Variants in AFF3 observed in about 807,000 individuals in gnomAD.
The protein encoded by AFF3 is AF4/FMR2 family member 3.
A neutral mutation model predicts 129.7 loss-of-function variants in AFF3; 32 were observed. The observed-to-expected ratio is 0.25, with a 90% CI of 0.19 to 0.33. The LOEUF is 0.33. Among genes scored for constraint, AFF3 ranks in the 10% least tolerant of loss-of-function variants. AFF3 has a pLI of 1.00. For synonymous variants in AFF3, 644 were observed against 635.4 expected, an observed-to-expected ratio of 1.01 and a Z score of -0.20; for missense variants, 1,373 against 1,592.0, an observed-to-expected ratio of 0.86 and a Z score of 2.34.
intron 12 of AFF3, among the ~76,000 whole-genome samples, chr2:99,651,869 T>C (rs1454069047): frequency 2.0e-5 from 3 of 152,198 alleles, no homozygotes; most frequent in Admixed American, 6.5e-5. Context: ...TTCTCTGTTA[T>C]GGAAATAAAA....
At chr2:100,091,266 C>T (rs1196444183) in intron 4 of AFF3, among the ~76,000 whole-genome samples, 2 of 152,210 alleles carry the variant, frequency 1.3e-5, no homozygotes, top group East Asian at 1.9e-4. Context: ...AGGCTCAGGA[C>T]ACTTCTTATG....
rs1443502889 is a variant in AFF3, at chr2:99,550,803, C to A, written c.*671G>T. 4.3e-6 allele frequency: 1 copy of A among 234,176 alleles called. No homozygotes were observed. The highest frequency in any genetic ancestry group is 5.6e-5 in the Admixed American group (1 of 17,790). The allele number at this position is 234,176 out of a possible 1,614,324, so 14.5% of individuals were successfully genotyped here. ...AGTGTCCATCTGTTTGCCTGGAATG[C>A]ATTTAGTTGATAATAGAGTCAGATG... On this transcript the variant is annotated 3_prime_UTR_variant, in exon 25 of 25. Transcript: ENST00000672756.
chr2:99,590,148 C>A (rs1347570370), intron 15 of AFF3, among the ~76,000 whole-genome samples: 1 of 152,244 alleles, frequency 6.6e-6, no homozygotes, highest in South Asian at 2.1e-4. Context: ...GATTTCAAGA[C>A]CCTCTTTGGA....
intron 4 of AFF3, among the ~76,000 whole-genome samples, chr2:100,052,710 A>G (rs1427209071): frequency 6.6e-6 from 1 of 152,110 alleles, no homozygotes; most frequent in Non-Finnish European, 1.5e-5. Flanking sequence ...ATACTGTTTT[A>G]AAGCCTAAAA....
At chr2:99,951,893 G>C (rs1003590755) in intron 7 of AFF3, among the ~76,000 whole-genome samples, 14 of 152,200 alleles carry the variant, frequency 9.2e-5, no homozygotes, top group African/African-American at 2.9e-4. Context: ...TGATCCGCCT[G>C]CCTTGGCCTC....
intron 4 of AFF3, among the ~76,000 whole-genome samples, chr2:100,032,386 G>A (rs1158051763): frequency 1.3e-5 from 2 of 151,380 alleles, no homozygotes; most frequent in African/African-American, 2.4e-5. Context: ...CCGAGACTGC[G>A]CCACTGCACT....
intron 4 of AFF3, among the ~76,000 whole-genome samples, chr2:100,059,860 G>C (rs1687112183): frequency 6.6e-6 from 1 of 152,172 alleles, no homozygotes; most frequent in Non-Finnish European, 1.5e-5. Context: ...TTTGAAAGAG[G>C]ACAATGAAAA....
chr2:99,814,446 A>G (rs1170270282), intron 8 of AFF3, among the ~76,000 whole-genome samples: 1 of 152,184 alleles, frequency 6.6e-6, no homozygotes, highest in African/African-American at 2.4e-5. Flanking sequence ...TGGAGCACGC[A>G]TAGGGAAGGA....
intron 7 of AFF3, among the ~76,000 whole-genome samples, chr2:99,997,480 C>T (rs918812075): frequency 1.2e-4 from 18 of 151,766 alleles, no homozygotes; most frequent in East Asian, 3.9e-4. Context: ...CTATCACCCC[C>T]CCCCCAGATT....
chr2:99,573,675 C>T (rs960476786), intron 18 of AFF3, among the ~76,000 whole-genome samples: 6 of 152,216 alleles, frequency 3.9e-5, no homozygotes, highest in African/African-American at 1.4e-4. Context: ...TCCTTCCTCC[C>T]GGCCACATTT....
At chr2:100,041,282 G>A (rs777912898) in intron 4 of AFF3, among the ~76,000 whole-genome samples, 2 of 152,214 alleles carry the variant, frequency 1.3e-5, no homozygotes, top group South Asian at 2.1e-4. Context: ...CATAAGTAAA[G>A]ATTACATATG....
At chr2:100,063,233 A>G (rs1024305898) in intron 4 of AFF3, among the ~76,000 whole-genome samples, 44 of 143,154 alleles carry the variant, frequency 3.1e-4, no homozygotes, top group Non-Finnish European at 2.1e-4. Context: ...CCTGGGCAAC[A>G]ATGAGCGAAA....
At chr2:99,979,739 T>A (rs1189311110) in intron 7 of AFF3, among the ~76,000 whole-genome samples, 3 of 152,148 alleles carry the variant, frequency 2.0e-5, no homozygotes, top group African/African-American at 7.2e-5. Context: ...CTCTTGGGCC[T>A]CCCAAAGCAC....
At chr2:99,622,350 A>T (rs2105315135) in intron 13 of AFF3, among the ~76,000 whole-genome samples, 1 of 152,316 alleles carries the variant, frequency 6.6e-6, no homozygotes, top group East Asian at 1.9e-4. Context: ...TACCACGAAC[A>T]CATTTTATTC....
intron 7 of AFF3, among the ~76,000 whole-genome samples, chr2:99,907,578 G>A (rs1694805676): frequency 6.7e-6 from 1 of 149,244 alleles, no homozygotes; most frequent in Non-Finnish European, 1.5e-5. Context: ...AGCTAACATT[G>A]CCTTTGGTCT....
chr2:99,820,457 G>T (rs1214284806), intron 8 of AFF3, among the ~76,000 whole-genome samples: 1 of 151,988 alleles, frequency 6.6e-6, no homozygotes, highest in African/African-American at 2.4e-5. Context: ...AGGTGCTCTG[G>T]GTGAGTCAGT....
At chr2:99,572,138 T>C (rs185605382) in intron 18 of AFF3, among the ~76,000 whole-genome samples, 35 of 152,288 alleles carry the variant, frequency 2.3e-4, no homozygotes, top group African/African-American at 7.9e-4. Flanking sequence ...TGGAACTAAC[T>C]GTGAATCATG....
At chr2:99,557,252 C>T (rs894639252) in intron 22 of AFF3, among the ~76,000 whole-genome samples, 8 of 150,330 alleles carry the variant, frequency 5.3e-5, no homozygotes, top group African/African-American at 2.0e-4. Flanking sequence ...CCTTGAGGAG[C>T]AACTCTGATT....
At chr2:99,578,724 G>A (rs1677228115) in intron 17 of AFF3, among the ~76,000 whole-genome samples, 1 of 152,230 alleles carries the variant, frequency 6.6e-6, no homozygotes. Flanking sequence ...CAGGCTTGGT[G>A]AGGTTCAGCA....
Sources: gnomAD v4.1 joint callset for allele counts (sites outside exome capture counted in the v4.1 genomes callset) on GRCh38, gnomAD v4.1.1 for gene constraint, MANE v1.5 for transcripts, NCBI Gene and HGNC (gene_info 2026-07-23, HGNC 2026-07-21) for gene names.